The following VWDE variants were observed in gnomAD, a reference collection of about 807,000 sequenced individuals.
The protein encoded by VWDE is von Willebrand factor D and EGF domain-containing protein.
A neutral mutation model predicts 178.4 loss-of-function variants in VWDE; 207 were observed. The observed-to-expected ratio is 1.16, with a 90% CI of 1.04 to 1.30. VWDE has a LOEUF of 1.30. Ranked by LOEUF, VWDE falls within the 50% of genes most tolerant of loss-of-function variation. The probability of loss-of-function intolerance (pLI) is 0.00; values close to 1 mark genes in which losing one functional copy is unlikely to be tolerated. For synonymous variants in VWDE, 738 were observed against 651.4 expected (o/e 1.13, Z -2.02); for missense variants, 2,287 against 1,901.3 (o/e 1.20, Z -3.77).
chr7:12,360,717 A>G (rs7786231), intron 15 of VWDE, among the ~76,000 whole-genome samples: 1,883 of 152,234 alleles, frequency 0.012, 35 homozygotes, highest in African/African-American at 0.043. Context: ...GCAGGTATTT[A>G]CATGCTCCAA....
intron 7 of VWDE, 90 bp from the exon 8 acceptor site, chr7:12,375,317 G>C (rs1417599147): frequency 8.0e-6 from 8 of 999,202 alleles, no homozygotes; most frequent in Admixed American, 2.7e-5. Context: ...ACACTGAATT[G>C]TAAGATTATT....
chr7:12,394,521 C>A (rs1297948360), intron 1 of VWDE, among the ~76,000 whole-genome samples: 1 of 151,928 alleles, frequency 6.6e-6, no homozygotes, highest in South Asian at 2.1e-4. Flanking sequence ...CCACAGAGGC[C>A]GAACAAAAAG....
intron 1 of VWDE, among the ~76,000 whole-genome samples, chr7:12,398,646 G>C (rs1266436192): frequency 2.6e-5 from 4 of 152,100 alleles, no homozygotes; most frequent in African/African-American, 9.7e-5. Context: ...TTGGCTTTTT[G>C]TGCAGGATGT....
Position 12,393,447 on chromosome 7 carries a change from T to A in VWDE, c.243+147A>T, listed in dbSNP as rs6958414. 0.011 allele frequency: 7,065 copies of A among 644,010 alleles called. 402 individuals carry two copies. The African/African-American group carries it at 0.12, about 11-fold the overall frequency. The allele number at this position is 644,010 out of a possible 1,614,324, so 39.9% of individuals were successfully genotyped here. ...CAATTACTATTATTATTAGACTAGG[T>A]AATGTGGGAATAGTCTTTCAGATTA... is the stretch of plus-strand genomic sequence containing the variant. On this transcript the variant is annotated intron_variant, in intron 2 of 28. Transcript: ENST00000275358.
At chr7:12,340,981 C>A (rs73292397) in intron 23 of VWDE, among the ~76,000 whole-genome samples, 2 of 152,054 alleles carry the variant, frequency 1.3e-5, no homozygotes, top group African/African-American at 4.8e-5. Flanking sequence ...TTATTTTTCA[C>A]CCTAGATCCT....
intron 3 of VWDE, among the ~76,000 whole-genome samples, chr7:12,387,837 C>T (rs961717086): frequency 2.6e-5 from 4 of 151,984 alleles, no homozygotes; most frequent in African/African-American, 7.3e-5. Context: ...TTTCAGTGTC[C>T]TATATATGGT....
Position 12,370,520 on chromosome 7 carries a change from G to A in VWDE, c.1797-11C>T. The A allele has an allele frequency of 1.3e-6, 2 of 1,533,100 alleles. No individual in the cohort carries two copies. The highest frequency in any genetic ancestry group is 8.8e-7 in the Non-Finnish European group (1 of 1,141,258). The allele number at this position is 1,533,100 out of a possible 1,614,324, so 95.0% of individuals were successfully genotyped here. On this transcript the variant is annotated splice_polypyrimidine_tract_variant and intron_variant, in intron 11 of 28. Transcript: ENST00000275358. ...TTTCCTGGTAAAATCCTTCCAGATG[G>A]AAAACAGGAAAGAATAGTAATTTTG...
intron 7 of VWDE, 147 bp downstream of exon 7, chr7:12,377,629 G>GTATTT: frequency 2.3e-6 from 1 of 436,424 alleles, no homozygotes; most frequent in African/African-American, 2.0e-5. Flanking sequence ...GTTTGGCCGA[G>GTATTT]TATTAGTAAT....
chr7:12,347,034 A>C (rs1320950949), intron 19 of VWDE, among the ~76,000 whole-genome samples: 1 of 152,204 alleles, frequency 6.6e-6, no homozygotes, highest in Non-Finnish European at 1.5e-5. Context: ...ACTAATAGAA[A>C]CAAGAGTGCA....
At chr7:12,396,283 C>T (rs1784619878) in intron 1 of VWDE, among the ~76,000 whole-genome samples, 1 of 151,938 alleles carries the variant, frequency 6.6e-6, no homozygotes, top group South Asian at 2.1e-4. Flanking sequence ...TAGAATTCTC[C>T]AAAATTCAGA....
At chr7:12,331,633 G>A (rs1468928889) in intron 28 of VWDE, among the ~76,000 whole-genome samples, 1 of 151,974 alleles carries the variant, frequency 6.6e-6, no homozygotes, top group Admixed American at 6.6e-5. Context: ...TTATGTCCCA[G>A]GCACCACTCT....
rs556192021 is a variant in VWDE at position 12,369,914 on chromosome 7, G to C, written c.2392C>G (p.Pro798Ala). 1 of 1,551,470 alleles carries C rather than the reference G, an allele frequency of 6.4e-7. No individual in the cohort carries two copies. Among genetic ancestry groups the C allele is most frequent in the South Asian group, 1.2e-5 (1 of 84,050 alleles). The change falls in exon 12 of 29, where the codon CCC becomes GCC. Residue 798 changes from proline to alanine, a missense_variant. By Grantham distance (27) the Pro-to-Ala change is conservative (BLOSUM62 -1). Coordinates refer to ENST00000275358, the MANE Select transcript of VWDE (RefSeq NM_001135924.3). ...GTGCTATACTCGGTGAGGCCAGAGG[G>C]AGTGGGCCAAGAGGGGAAAAACTCT... ...QQEFFPSWPT[P>A]SGLTEYSTLT...
intron 14 of VWDE, 24 bp downstream of exon 14, chr7:12,361,342 T>C (rs1377043505): frequency 1.9e-6 from 3 of 1,544,650 alleles, no homozygotes; most frequent in African/African-American, 1.4e-5. Context: ...TTTATAAATA[T>C]GAAGATGTCT....
At chr7:12,344,494 G>T in intron 19 of VWDE, 25 bp from the exon 20 acceptor site, 4 of 1,518,268 alleles carry the variant, frequency 2.6e-6, no homozygotes, top group Non-Finnish European at 3.6e-6. Flanking sequence ...AAGAAAAAAA[G>T]GTTGATTGCT....
At chr7:12,359,488 A>C in intron 16 of VWDE, 90 bp downstream of exon 16, 1 of 816,194 alleles carries the variant, frequency 1.2e-6, no homozygotes, top group Non-Finnish European at 1.9e-6. Flanking sequence ...GAGGTCATTC[A>C]TCTTAAACAC....
At position 12,342,169 on chromosome 7, in the gene VWDE, T is replaced by A. The variant is rs754275409; in HGVS notation, c.4175-15A>T. 1.4e-5 allele frequency: 22 copies of A among 1,548,476 alleles called. No homozygotes were observed. Among genetic ancestry groups the A allele is most frequent in the Admixed American group, 2.0e-5 (1 of 50,936 alleles). ...GTTACAAACCACTGAGATCATAGAA[T>A]AAAGAGAAAAGAAAGATTAGGCTTG... On this transcript the variant is annotated splice_polypyrimidine_tract_variant and intron_variant, in intron 22 of 28. Coordinates refer to ENST00000275358, the MANE Select transcript of VWDE (RefSeq NM_001135924.3).
chr7:12,401,428 G>A (rs902642200), intron 1 of VWDE, among the ~76,000 whole-genome samples: 2 of 152,032 alleles, frequency 1.3e-5, no homozygotes, highest in Non-Finnish European at 2.9e-5. Context: ...TCTGGAATAT[G>A]CAAATAACTT....
At chr7:12,345,221 C>A (rs1236320559) in intron 19 of VWDE, among the ~76,000 whole-genome samples, 1 of 151,864 alleles carries the variant, frequency 6.6e-6, no homozygotes, top group South Asian at 2.1e-4. Context: ...CACTTTTGTT[C>A]TTTCAAAATG....
In VWDE at chr7:12,340,372, G is replaced by C. The variant is rs2128546082; in HGVS notation, c.4316C>G (p.Pro1439Arg). 6.4e-7 allele frequency: 1 copy of C among 1,551,466 alleles called. No homozygotes were observed. The highest frequency in any genetic ancestry group is 8.7e-7 in the Non-Finnish European group (1 of 1,146,852). The change falls in exon 24 of 29, where the codon CCA becomes CGA. Residue 1439 changes from proline to arginine, a missense_variant. Physicochemically the swap from Pro to Arg is moderately radical, Grantham distance 103 (BLOSUM62 -2). Coordinates refer to ENST00000275358, the MANE Select transcript of VWDE (RefSeq NM_001135924.3). Reference sequence around the variant, plus strand: ...TCCATTTGGACAGAGGCAAGTATTTGGCTTATTACACGAACCACCATTGAG... The same window carrying C: ...TCCATTTGGACAGAGGCAAGTATTTCGCTTATTACACGAACCACCATTGAG... ...VCLNGGSCNK[P>R]NTCLCPNGFF... is the part of the protein sequence containing the mutation.
Sources: gnomAD v4.1 joint callset for allele counts (sites outside exome capture counted in the v4.1 genomes callset) on GRCh38, gnomAD v4.1.1 for gene constraint, MANE v1.5 for transcripts, NCBI Gene and HGNC (gene_info 2026-07-23, HGNC 2026-07-21) for gene names.